BLTP1: variants seen among roughly 807,000 people sequenced by gnomAD.
The protein encoded by BLTP1 is fragile site-associated protein.
chr4:122,263,380 A>G, the BLTP1 span: 1 of 1,462,334 alleles, frequency 6.8e-7, no homozygotes, highest in Non-Finnish European at 9.0e-7. Flanking sequence ...AGGTATATAA[A>G]TTACATTTTT....
chr4:122,189,799 A>G, the BLTP1 span: 2 of 904,646 alleles, frequency 2.2e-6, no homozygotes, highest in Non-Finnish European at 2.6e-6. Context: ...TAAGTCCAAC[A>G]TAGAATAAAA....
the BLTP1 span, chr4:122,184,833 C>A: frequency 1.0e-6 from 1 of 985,302 alleles, no homozygotes; most frequent in Non-Finnish European, 1.2e-6. Flanking sequence ...AAAACTTAGC[C>A]TTTGTTCAAA....
chr4:122,154,549 C>G, the BLTP1 span: 13 of 897,916 alleles, frequency 1.4e-5, no homozygotes, highest in Non-Finnish European at 1.5e-5. Flanking sequence ...GCTCTTTAAT[C>G]TACCTATGTT....
At chr4:122,325,726 A>G in the BLTP1 span, 1 of 840,522 alleles carries the variant, frequency 1.2e-6, no homozygotes, top group Admixed American at 3.2e-5. Context: ...TCAAAGTTGT[A>G]TTCTAATTTC....
the BLTP1 span, among the ~76,000 whole-genome samples, chr4:122,236,504 T>C: frequency 6.6e-6 from 1 of 152,320 alleles, no homozygotes; most frequent in Admixed American, 6.5e-5. Context: ...CCTTGTTTTT[T>C]AGTAAGGACA....
the BLTP1 span, chr4:122,263,073 G>T: frequency 7.1e-7 from 1 of 1,404,476 alleles, no homozygotes; most frequent in Non-Finnish European, 9.5e-7. Flanking sequence ...TATATACTTT[G>T]GTAGTACAAC....
At chr4:122,179,859 G>T in the BLTP1 span, 1 of 984,922 alleles carries the variant, frequency 1.0e-6, no homozygotes, top group East Asian at 1.1e-4. Context: ...ATACACAGAG[G>T]CTACATGCAA....
the BLTP1 span, among the ~76,000 whole-genome samples, chr4:122,306,928 A>T: frequency 6.6e-6 from 1 of 152,126 alleles, no homozygotes; most frequent in Non-Finnish European, 1.5e-5. Context: ...TGTTACAGAT[A>T]GCATTTTATT....
chr4:122,229,282 A>G, the BLTP1 span: 2 of 1,428,964 alleles, frequency 1.4e-6, no homozygotes, highest in Non-Finnish European at 9.5e-7. Context: ...TTTCGTTTTT[A>G]CTAAACCAAA....
At chr4:122,154,081 CAG>C in the BLTP1 span, 5 of 976,530 alleles carry the variant, frequency 5.1e-6, no homozygotes, top group African/African-American at 3.7e-5. Context: ...GAAGGAAAAA[CAG>C]AACGTTGCAA....
At chr4:122,209,359 C>T in the BLTP1 span, 3 of 1,607,116 alleles carry the variant, frequency 1.9e-6, no homozygotes, top group Non-Finnish European at 2.5e-6. Flanking sequence ...AAATTAGTGA[C>T]ACAGGCCAGG....
At chr4:122,272,059 G>T in the BLTP1 span, 2 of 1,400,292 alleles carry the variant, frequency 1.4e-6, no homozygotes, top group Non-Finnish European at 1.9e-6. Context: ...AAGAGGACTG[G>T]TTGGGAATGT....
the BLTP1 span, chr4:122,226,831 C>T: frequency 6.2e-7 from 1 of 1,601,738 alleles, no homozygotes. Context: ...TTCTGTGAAT[C>T]CAAGGTATAT....
At chr4:122,294,350 G>C in the BLTP1 span, among the ~76,000 whole-genome samples, 7 of 152,204 alleles carry the variant, frequency 4.6e-5, no homozygotes, top group Non-Finnish European at 1.0e-4. Flanking sequence ...CTGTAGGAGT[G>C]TTCGGTCCAG....
the BLTP1 span, among the ~76,000 whole-genome samples, chr4:122,192,822 G>C: frequency 4.6e-5 from 7 of 152,268 alleles, no homozygotes; most frequent in East Asian, 1.3e-3. Context: ...GGTAAGTAAA[G>C]GGTCTTCATG....
the BLTP1 span, chr4:122,270,901 A>G: frequency 7.3e-7 from 1 of 1,360,694 alleles, no homozygotes. Flanking sequence ...GCTTGCTTAA[A>G]ATTATTTAAG....
the BLTP1 span, chr4:122,243,766 T>G: frequency 7.4e-7 from 1 of 1,346,660 alleles, no homozygotes; most frequent in Admixed American, 3.4e-5. Context: ...TTAGTTGTAA[T>G]GAATGCATGT....
chr4:122,318,291 C>A, the BLTP1 span: 1 of 1,602,100 alleles, frequency 6.2e-7, no homozygotes, highest in South Asian at 1.1e-5. Context: ...TTTTTTCTTT[C>A]AATGCTGGTG....
At chr4:122,263,501 G>A in the BLTP1 span, 2 of 1,612,302 alleles carry the variant, frequency 1.2e-6, no homozygotes, top group African/African-American at 1.3e-5. Flanking sequence ...GCCATCATCT[G>A]TGAGTTTCTA....
Sources: allele counts gnomAD v4.1 joint callset (sites outside exome capture counted in the v4.1 genomes callset), GRCh38; gene constraint gnomAD v4.1.1; transcripts MANE v1.5; gene names NCBI Gene and HGNC (gene_info 2026-07-23, HGNC 2026-07-21).